The following TMEM87A variants were observed in gnomAD, a reference collection of about 807,000 sequenced individuals.
TMEM87A encodes Golgi-pH regulating cation channel.
TMEM87A carries 50 observed loss-of-function variants against 90.0 expected under a neutral mutation model. The observed-to-expected ratio is 0.56, with a 90% CI of 0.44 to 0.70. The LOEUF (loss-of-function observed/expected upper bound fraction) is 0.70, where lower values mean the gene tolerates loss of function less well. TMEM87A is among the 30% of genes least tolerant of loss of function. TMEM87A has a pLI of 0.00. For synonymous variants in TMEM87A, 226 were observed against 226.7 expected (o/e 1.00, Z 0.03); for missense variants, 577 against 660.5 (o/e 0.87, Z 1.39).
intron 6 of TMEM87A, among the ~76,000 whole-genome samples, chr15:42,253,620 C>T (rs1243596908): frequency 1.3e-5 from 2 of 152,200 alleles, no homozygotes; most frequent in African/African-American, 2.4e-5. Context: ...CAGCAACCTG[C>T]ACCACGACTG....
At chr15:42,267,282 A>G (rs905451243) in intron 3 of TMEM87A, among the ~76,000 whole-genome samples, 2 of 152,250 alleles carry the variant, frequency 1.3e-5, no homozygotes, top group Admixed American at 6.5e-5. Context: ...ATACATTCAT[A>G]TCAGTGGATT....
intron 11 of TMEM87A, among the ~76,000 whole-genome samples, chr15:42,232,474 AT>A (rs532741688): frequency 2.0e-5 from 3 of 150,694 alleles, no homozygotes; most frequent in African/African-American, 7.3e-5. Context: ...CATTAGCTGC[AT>A]TTTTTTTTCT....
chr15:42,227,821 C>A, intron 13 of TMEM87A, 52 bp from the exon 14 acceptor site: 2 of 1,517,812 alleles, frequency 1.3e-6, no homozygotes, highest in South Asian at 1.1e-5. Context: ...TTTACATCCC[C>A]AATTACATTC....
chr15:42,273,474 T>A, upstream of TMEM87A: 1 of 1,590,544 alleles, frequency 6.3e-7, no homozygotes, highest in Non-Finnish European at 8.5e-7. Flanking sequence ...GGCTCTGCTC[T>A]AAGGGCGGGA....
intron 15 of TMEM87A, among the ~76,000 whole-genome samples, chr15:42,220,458 AAGT>A (rs2050457435): frequency 6.6e-6 from 1 of 152,240 alleles, no homozygotes; most frequent in Non-Finnish European, 1.5e-5. Context: ...TGTTTTGTAA[AAGT>A]AAGTCGTTAC....
At chr15:42,217,067 A>C (rs1849175464) in intron 19 of TMEM87A, among the ~76,000 whole-genome samples, 1 of 149,540 alleles carries the variant, frequency 6.7e-6, no homozygotes, top group Non-Finnish European at 1.5e-5. Context: ...TGATCCTCCC[A>C]CTTCACCTCC....
At chr15:42,270,421 A>G (rs956032304) in intron 2 of TMEM87A, among the ~76,000 whole-genome samples, 1 of 151,788 alleles carries the variant, frequency 6.6e-6, no homozygotes, top group Non-Finnish European at 1.5e-5. Flanking sequence ...AAACAATGAA[A>G]TATAAACACT....
At chr15:42,273,557 C>G (rs528432447), upstream of TMEM87A, 2 of 1,317,228 alleles carry the variant, frequency 1.5e-6, no homozygotes, top group Admixed American at 2.5e-5. Flanking sequence ...AGACAGTCGT[C>G]TGTGCGCCGT....
At chr15:42,229,751 T>C (rs998734124) in intron 12 of TMEM87A, among the ~76,000 whole-genome samples, 10 of 152,164 alleles carry the variant, frequency 6.6e-5, no homozygotes, top group Admixed American at 5.9e-4. Flanking sequence ...CAGAACATTA[T>C]TCTCAAGTAG....
intron 15 of TMEM87A, among the ~76,000 whole-genome samples, chr15:42,222,592 CTT>C (rs1430845968): frequency 6.6e-6 from 1 of 150,718 alleles, no homozygotes; most frequent in African/African-American, 2.4e-5. Context: ...GAGTTTCTCT[CTT>C]GTTGCCCAGG....
intron 3 of TMEM87A, 124 bp from the exon 4 acceptor site, chr15:42,264,327 G>C (rs1041485795): frequency 3.2e-6 from 2 of 631,538 alleles, no homozygotes; most frequent in Admixed American, 2.9e-5. Context: ...TTTTAAAAAT[G>C]AACAGCATCA....
rs151329719 is a variant in TMEM87A, at chr15:42,214,253, A to T, written c.1627-2504T>A. Among the ~76,000 whole-genome samples the T allele has an allele frequency of 1.5e-3, 229 of 152,242 alleles. 2 individuals are homozygous for T. The highest frequency in any genetic ancestry group is 5.3e-3 in the African/African-American group (221 of 41,524). Reference sequence around the variant, plus strand: ...GAGTCCTACCAGGTACTTAAAGACAAAGTAACACTAATCCTTCTTAAACGC... The same window carrying T: ...GAGTCCTACCAGGTACTTAAAGACATAGTAACACTAATCCTTCTTAAACGC... On this transcript the variant is annotated intron_variant, in intron 19 of 19. Transcript: ENST00000389834.
chr15:42,253,589 C>T (rs1403318307), intron 6 of TMEM87A, among the ~76,000 whole-genome samples: 1 of 152,192 alleles, frequency 6.6e-6, no homozygotes, highest in Non-Finnish European at 1.5e-5. Flanking sequence ...AGAAAAAGGT[C>T]TGTATTAGTT....
intron 4 of TMEM87A, among the ~76,000 whole-genome samples, chr15:42,262,659 C>T (rs1487472948): frequency 2.0e-5 from 3 of 152,052 alleles, no homozygotes; most frequent in East Asian, 1.9e-4. Context: ...TCAGGTGATC[C>T]GCCCACCTCG....
chr15:42,238,905 GGAA>G (rs1293106467), intron 8 of TMEM87A, among the ~76,000 whole-genome samples: 2 of 152,036 alleles, frequency 1.3e-5, no homozygotes, highest in Non-Finnish European at 1.5e-5. Context: ...TAAAGGGAAA[GGAA>G]GAAGAGAATA....
rs5812215 is a variant in TMEM87A at position 42,261,020 on chromosome 15, AT to A, written c.460-19del. 1,357,480 of 1,405,776 alleles carry A rather than the reference AT, an allele frequency of 0.97. 656,347 individuals carry two copies. The highest frequency in any genetic ancestry group is 0.98 in the Non-Finnish European group (1,002,854 of 1,023,724). 87.1% of individuals were successfully genotyped at this position (1,405,776 alleles called of 1,614,324 possible). On this transcript the variant is annotated intron_variant, in intron 5 of 19. Transcript: ENST00000389834. ...TCCTTAGCCTTTAAACATTAAAAAAATAATAATAATTAATTCAGAACTTCTT... is the reference window on the plus strand; with the variant it reads ...TCCTTAGCCTTTAAACATTAAAAAAAAATAATAATTAATTCAGAACTTCTT...
chr15:42,214,713 A>G (rs1005847564), intron 19 of TMEM87A, among the ~76,000 whole-genome samples: 29 of 152,240 alleles, frequency 1.9e-4, no homozygotes, highest in Admixed American at 1.3e-3. Context: ...AAAATAGATT[A>G]AAGAATTAGA....
At chr15:42,246,284 T>G (rs985278308) in intron 6 of TMEM87A, among the ~76,000 whole-genome samples, 1 of 152,196 alleles carries the variant, frequency 6.6e-6, no homozygotes, top group South Asian at 2.1e-4. Context: ...TTCTAAGTAC[T>G]GAGACCCAAG....
intron 19 of TMEM87A, among the ~76,000 whole-genome samples, chr15:42,215,158 A>T (rs761910498): frequency 2.0e-5 from 3 of 152,226 alleles, no homozygotes; most frequent in Non-Finnish European, 4.4e-5. Context: ...ATACAATGGT[A>T]AGTATTTGGG....
Sources: gnomAD v4.1 joint callset for allele counts (sites outside exome capture counted in the v4.1 genomes callset) on GRCh38, gnomAD v4.1.1 for gene constraint, MANE v1.5 for transcripts, NCBI Gene and HGNC (gene_info 2026-07-23, HGNC 2026-07-21) for gene names.